The following TMEM161A variants were observed in gnomAD, a reference collection of about 807,000 sequenced individuals.
TMEM161A encodes the protein transmembrane protein 161A, also known as adaptive response to oxidative stress protein 29.
TMEM161A carries 46 observed loss-of-function variants against 57.1 expected under a neutral mutation model. The observed-to-expected ratio is 0.81, with a 90% CI of 0.64 to 1.03. TMEM161A has a LOEUF of 1.03. Among genes scored for constraint, TMEM161A ranks in the 50% least tolerant of loss-of-function variants. The pLI is 0.00. For synonymous variants in TMEM161A, 288 were observed against 279.0 expected, an observed-to-expected ratio of 1.03 and a Z score of -0.32; for missense variants, 601 against 621.5, an observed-to-expected ratio of 0.97 and a Z score of 0.35.
At position 19,120,131 on chromosome 19, in the gene TMEM161A, G is replaced by A. The variant is rs1315179329; in HGVS notation, c.1239C>T (p.Ser413=). 4 of 1,565,302 alleles carry A rather than the reference G, an allele frequency of 2.6e-6. No homozygotes were observed. Among genetic ancestry groups the A allele is most frequent in the Non-Finnish European group, 2.6e-6 (3 of 1,155,080 alleles). The change falls in exon 12 of 12, where the codon TCC becomes TCT. Residue 413 remains serine, a synonymous_variant. Coordinates refer to ENST00000162044, the MANE Select transcript of TMEM161A (RefSeq NM_017814.3). The part of the protein sequence containing the change: ...GPAPLLSPDP[S]SASAAPIGSG... The stretch of plus-strand genomic sequence containing the variant: ...AGCCGATGGGGGCAGCGCTGGCTGA[G>A]GATGGGTCGGGGGATAGTAGAGGAG...
chr19:19,138,438 G>A lies in TMEM161A; in HGVS notation c.-10C>T, dbSNP rs1057450754. The stretch of plus-strand genomic sequence containing the variant: ...GACGCTCGCTCACCATGACGCGTGC[G>A]AGAACGCGGTGCACTCACCCACCGG... On this transcript the variant is annotated 5_prime_UTR_variant, in exon 1 of 12. Coordinates refer to ENST00000162044, the MANE Select transcript of TMEM161A (RefSeq NM_017814.3). 3.1e-6 allele frequency: 5 copies of A among 1,601,976 alleles called. No homozygotes were observed. In the African/African-American group the frequency reaches 4.0e-5, roughly 13 times the overall value.
rs1568538138 is a variant in TMEM161A at position 19,132,355 on chromosome 19, G to A, written c.440C>T (p.Ser147Phe). ...VFWCLLTVTF[S>F]IKMFLTVTRL... ...AGGGAGCAGAGAGGAAGGATACATG[G>A]AGAAGGTCACCGTGAGCAGGCACCA... is the stretch of plus-strand genomic sequence containing the variant. Residue 147 changes from serine to phenylalanine, a missense_variant, in exon 5 of 12, where the codon TCC becomes TTC. By Grantham distance (155) the Ser-to-Phe change is radical. Coordinates refer to ENST00000162044, the MANE Select transcript of TMEM161A (RefSeq NM_017814.3). This position sits in a 1 kb window ranked among gnomAD's most constrained non-coding sequence, Gnocchi z 4.3. 6.2e-7 allele frequency: 1 copy of A among 1,612,246 alleles called. No homozygotes were observed. Among genetic ancestry groups the A allele is most frequent in the South Asian group, 1.1e-5 (1 of 90,834 alleles).
chr19:19,121,946 A>T lies in TMEM161A; in HGVS notation c.596-127T>A. 1.9e-6 allele frequency: 2 copies of T among 1,045,224 alleles called. No individual in the cohort carries two copies. The highest frequency in any genetic ancestry group is 1.5e-5 in the South Asian group (1 of 66,192). 64.7% of individuals were successfully genotyped at this position (1,045,224 alleles called of 1,614,324 possible). A position where few individuals can be genotyped will look rare whatever the true frequency, so the allele number is the denominator to read the frequency against. On this transcript the variant is annotated intron_variant, in intron 6 of 11. Coordinates refer to ENST00000162044, the MANE Select transcript of TMEM161A (RefSeq NM_017814.3). This position sits in a 1 kb window ranked among gnomAD's most constrained non-coding sequence, Gnocchi z 5.8. Reference sequence around the variant, plus strand: ...AAGTAGGAATGAACAAGGGTCTGCCAGGCCCTGAGCCAGGCACAAGGACAA... The same window carrying T: ...AAGTAGGAATGAACAAGGGTCTGCCTGGCCCTGAGCCAGGCACAAGGACAA...
intron 6 of TMEM161A, among the ~76,000 whole-genome samples, chr19:19,128,585 C>A (rs2146333065): frequency 7.1e-6 from 1 of 140,032 alleles, no homozygotes; most frequent in East Asian, 2.1e-4. Flanking sequence ...GTTGCTCAGG[C>A]TGGAGCACAA....
rs2059898844 is a variant in TMEM161A at position 19,119,909 on chromosome 19, C to A, written c.*21G>T. ...CTGCCCCAGGAACAGACCTCAGGGC[C>A]CCAGGAGGGTCTGCAGGCAGCTAGG... On this transcript the variant is annotated 3_prime_UTR_variant, in exon 12 of 12. Transcript: ENST00000162044. 2 of 1,549,970 alleles carry A rather than the reference C, an allele frequency of 1.3e-6. No individual in the cohort carries two copies. Among genetic ancestry groups the A allele is most frequent in the Non-Finnish European group, 1.7e-6 (2 of 1,147,788 alleles).
intron 11 of TMEM161A, 78 bp downstream of exon 11, chr19:19,120,661 GCCCCGCCTCTCCCCCCCCACCGCGGT>G: frequency 1.9e-6 from 2 of 1,051,306 alleles, no homozygotes; most frequent in Admixed American, 1.8e-5. Flanking sequence ...CCCTGCCTAG[GCCCCGCCTCTCCCCCCCCACCGCGGT>G]CCCCGCCAGA....
At chr19:19,130,436 AGAG>A (rs2059953110) in intron 5 of TMEM161A, 129 bp from the exon 6 acceptor site, 1 of 1,218,810 alleles carries the variant, frequency 8.2e-7, no homozygotes, top group African/African-American at 1.5e-5. Flanking sequence ...GGGATGACCT[AGAG>A]GAGTTCGGTT....
At chr19:19,128,528 C>T (rs2059942212) in intron 6 of TMEM161A, among the ~76,000 whole-genome samples, 1 of 149,364 alleles carries the variant, frequency 6.7e-6, no homozygotes, top group Non-Finnish European at 1.5e-5. Context: ...CCACACCTGG[C>T]CTACATTTTT....
chr19:19,120,207 G>T, intron 11 of TMEM161A, 24 bp from the exon 12 acceptor site: 2 of 1,512,720 alleles, frequency 1.3e-6, no homozygotes, highest in Non-Finnish European at 1.8e-6. Flanking sequence ...ATGAAGCGAG[G>T]TATGAGTGGA....
At chr19:19,131,618 C>T (rs956112747) in intron 5 of TMEM161A, among the ~76,000 whole-genome samples, 2 of 152,074 alleles carry the variant, frequency 1.3e-5, no homozygotes, top group Admixed American at 6.6e-5. Flanking sequence ...CTCCACCTCC[C>T]GGGTTCAAGC....
intron 11 of TMEM161A, 29 bp from the exon 12 acceptor site, chr19:19,120,212 A>C: frequency 6.6e-7 from 1 of 1,505,076 alleles, no homozygotes; most frequent in Non-Finnish European, 8.9e-7. Flanking sequence ...GCGAGGTATG[A>C]GTGGAAAAAT....
rs2059901567 is a variant in TMEM161A at position 19,120,176 on chromosome 19, ATAGCCTCC to A, written c.1187-1_1193del. 6.5e-7 allele frequency: 1 copy of A among 1,549,178 alleles called. No homozygotes were observed. Among genetic ancestry groups the A allele is most frequent in the South Asian group, 1.2e-5 (1 of 84,218 alleles). On this transcript the variant is annotated splice_acceptor_variant and coding_sequence_variant, in exon 12 of 12. Coordinates refer to ENST00000162044, the MANE Select transcript of TMEM161A (RefSeq NM_017814.3). LOFTEE classifies it high-confidence loss of function. ...GAGGAGCTGGGCCCAGGCCCCAGGA[ATAGCCTCC>A]TAGGAGAAGAGGATGAAGCGAGGTA... is the stretch of plus-strand genomic sequence containing the variant.
In TMEM161A at chr19:19,120,195, G is replaced by A. The variant is rs1036678750; in HGVS notation, c.1187-12C>T. On this transcript the variant is annotated splice_polypyrimidine_tract_variant and intron_variant, in intron 11 of 11. Transcript: ENST00000162044. Reference sequence around the variant, plus strand: ...CCAGGAATAGCCTCCTAGGAGAAGAGGATGAAGCGAGGTATGAGTGGAAAA... The same window carrying A: ...CCAGGAATAGCCTCCTAGGAGAAGAAGATGAAGCGAGGTATGAGTGGAAAA... 2.6e-6 allele frequency: 4 copies of A among 1,533,964 alleles called. No individual in the cohort carries two copies. In the Admixed American group the frequency reaches 6.1e-5, roughly 24 times the overall value.
In TMEM161A at chr19:19,121,050, C is replaced by A. The variant is rs866586463; in HGVS notation, c.1031G>T (p.Arg344Leu). The change falls in exon 10 of 12, where the codon CGG (arginine) becomes CTG (leucine). Residue 344 changes from arginine to leucine, a missense_variant. Arg to Leu is a moderately radical substitution (Grantham distance 102). Transcript: ENST00000162044. This position sits in a 1 kb window ranked among gnomAD's most constrained non-coding sequence, Gnocchi z 5.8. ...LQAYLCLAKARVEQLRREAGR... is the reference protein window; with the variant it reads ...LQAYLCLAKALVEQLRREAGR... Reference sequence around the variant, plus strand: ...AGCCTCCCTTCGCAGCTGCTCCACCCGGGCCTTGGCCAGGCACAGGTAGGC... The same window carrying A: ...AGCCTCCCTTCGCAGCTGCTCCACCAGGGCCTTGGCCAGGCACAGGTAGGC... 2 of 1,611,772 alleles carry A rather than the reference C, an allele frequency of 1.2e-6. No individual in the cohort carries two copies. The highest frequency in any genetic ancestry group is 1.7e-5 in the Admixed American group (1 of 59,970).
chr19:19,133,556 C>G (rs559788077), intron 2 of TMEM161A, among the ~76,000 whole-genome samples: 1 of 152,284 alleles, frequency 6.6e-6, no homozygotes, highest in African/African-American at 2.4e-5. Flanking sequence ...ACTGCAACCT[C>G]CACTTCCCCG....
rs777586563 is a variant in TMEM161A at position 19,134,810 on chromosome 19, G to C, written c.81C>G (p.Phe27Leu). 2 of 1,589,788 alleles carry C rather than the reference G, an allele frequency of 1.3e-6. No individual in the cohort carries two copies. The highest frequency in any genetic ancestry group is 1.1e-5 in the South Asian group (1 of 87,316). ...TGCCGTTACAGAGCAGCCAGCGCGC[G>C]AAGGAGCAGTGTGGCGCCAGCCTGT... The part of the protein sequence containing the change: ...LMHRLAPHCS[F>L]ARWLLCNGSL... The change falls in exon 2 of 12, where the codon TTC becomes TTG. Residue 27 changes from phenylalanine (F) to leucine (L), a missense_variant. Physicochemically the swap from Phe to Leu is conservative, Grantham distance 22 (BLOSUM62 0). Transcript: ENST00000162044.
rs572124639 is a variant in TMEM161A, at chr19:19,131,384, G to C, written c.443+968C>G. Among the ~76,000 whole-genome samples, 7 of 152,102 alleles carry C rather than the reference G, an allele frequency of 4.6e-5. No individual in the cohort carries two copies. The South Asian group carries it at 1.5e-3, about 32-fold the overall frequency. ...GTATTTGCTCTCTTTGGGAGGCCAA[G>C]GCAGGAGAATCACTTGAAGCCAATC... On this transcript the variant is annotated intron_variant, in intron 5 of 11. Transcript: ENST00000162044.
At chr19:19,126,202 A>AT (rs2059930610) in intron 6 of TMEM161A, among the ~76,000 whole-genome samples, 1 of 151,768 alleles carries the variant, frequency 6.6e-6, no homozygotes, top group African/African-American at 2.4e-5. Flanking sequence ...TGACTTTCTG[A>AT]TTTTAGGGAA....
In TMEM161A at chr19:19,121,356, G is replaced by A. The variant is rs1335408584; in HGVS notation, c.866C>T (p.Ala289Val). The A allele has an allele frequency of 1.9e-6, 3 of 1,600,286 alleles. No homozygotes were observed. In the African/African-American group the frequency reaches 4.0e-5, roughly 22 times the overall value. The part of the protein sequence containing the change: ...FILWLWTKPI[A>V]RDFLHQPPFG... ...CGGCGGCTGGTGCAGGAAGTCCCGT[G>A]CAATGGGCTTTGTCCAGAGCCACAG... Residue 289 changes from alanine (A) to valine (V), a missense_variant, in exon 9 of 12, where the codon GCA (alanine) becomes GTA (valine). Transcript: ENST00000162044. This position sits in a 1 kb window ranked among gnomAD's most constrained non-coding sequence, Gnocchi z 5.8.
Sources: gnomAD v4.1 joint callset for allele counts (sites outside exome capture counted in the v4.1 genomes callset) on GRCh38, gnomAD v4.1.1 for gene constraint, Gnocchi (gnomAD v3.1) non-coding constraint, MANE v1.5 for transcripts, NCBI Gene and HGNC (gene_info 2026-07-23, HGNC 2026-07-21) for gene names.